Variants in ZNF267 observed in about 807,000 individuals in gnomAD.
ZNF267 encodes the protein zinc finger (C2H2).
In ZNF267, 61 loss-of-function variants were observed where a neutral mutation model predicts 71.6. That is an observed-to-expected ratio of 0.85 (90% CI 0.69 to 1.05). ZNF267 has a LOEUF of 1.05. ZNF267 is among the 50% of genes least tolerant of loss of function. The pLI is 0.00. For missense variants in ZNF267, 852 were observed against 870.0 expected (o/e 0.98, Z 0.26); for synonymous variants, 288 against 293.2 (o/e 0.98, Z 0.18).
intron 1 of ZNF267, among the ~76,000 whole-genome samples, chr16:31,880,664 A>C (rs2083883544): frequency 6.6e-6 from 1 of 152,176 alleles, no homozygotes; most frequent in Non-Finnish European, 1.5e-5. Context: ...CAACGGGCTA[A>C]TCTTGCTTCC....
chr16:31,916,378 A>G lies in ZNF267; in HGVS notation c.2129A>G (p.His710Arg), dbSNP rs1425343149. 2 of 1,614,092 alleles carry G rather than the reference A, an allele frequency of 1.2e-6. No homozygotes were observed. The highest frequency in any genetic ancestry group is 1.1e-5 in the South Asian group (1 of 91,080). ...RSYLTTHRRS[H>R]SGERPYKCEE... ...TACCTCACTACACATCGGAGAAGTC[A>G]TAGTGGAGAGAGACCCTACAAATGT... is the stretch of plus-strand genomic sequence containing the variant. Residue 710 changes from histidine to arginine, a missense_variant, in exon 4 of 4, where the codon CAT (histidine) becomes CGT (arginine). Transcript: ENST00000300870.
intron 3 of ZNF267, 69 bp downstream of exon 3, chr16:31,885,325 G>A: frequency 1.5e-6 from 2 of 1,376,350 alleles, no homozygotes; most frequent in Non-Finnish European, 1.9e-6. Context: ...ACCAGACCTT[G>A]AAGTGTGGAT....
intron 3 of ZNF267, among the ~76,000 whole-genome samples, chr16:31,903,859 G>T (rs1306868353): frequency 1.3e-5 from 2 of 152,064 alleles, no homozygotes; most frequent in Non-Finnish European, 2.9e-5. Context: ...TGCTTCTCTA[G>T]TTCTTTTAAT....
At chr16:31,888,505 A>G (rs1190885511) in intron 3 of ZNF267, among the ~76,000 whole-genome samples, 2 of 152,040 alleles carry the variant, frequency 1.3e-5, no homozygotes, top group Admixed American at 6.6e-5. Flanking sequence ...ATACTTTTGT[A>G]TGTATGTTGT....
At chr16:31,889,032 T>G (rs1369879696) in intron 3 of ZNF267, among the ~76,000 whole-genome samples, 1 of 152,034 alleles carries the variant, frequency 6.6e-6, no homozygotes, top group Admixed American at 6.5e-5. Flanking sequence ...TGTGGTGTTC[T>G]TTCTAAGAAT....
At chr16:31,875,631 G>A (rs575918741) in intron 1 of ZNF267, among the ~76,000 whole-genome samples, 5 of 152,312 alleles carry the variant, frequency 3.3e-5, no homozygotes, top group Admixed American at 2.0e-4. Context: ...TGCAGGATCT[G>A]GGAGGATGGT....
At chr16:31,895,206 G>A (rs1033879813) in intron 3 of ZNF267, among the ~76,000 whole-genome samples, 2 of 152,258 alleles carry the variant, frequency 1.3e-5, no homozygotes, top group African/African-American at 4.8e-5. Flanking sequence ...CCAGACATTG[G>A]TAGACAAAGT....
chr16:31,893,855 AG>A (rs2083977886), intron 3 of ZNF267, among the ~76,000 whole-genome samples: 1 of 152,116 alleles, frequency 6.6e-6, no homozygotes, highest in South Asian at 2.1e-4. Flanking sequence ...CATGGGTGAG[AG>A]GTGAAGAAGG....
At position 31,915,942 on chromosome 16, in the gene ZNF267, C is replaced by A; in HGVS notation, c.1693C>A (p.Arg565=). The A allele has an allele frequency of 6.2e-7, 1 of 1,612,882 alleles. No individual in the cohort carries two copies. Among genetic ancestry groups the A allele is most frequent in the Non-Finnish European group, 8.5e-7 (1 of 1,179,680 alleles). ...KAFPYSSHLI[R]HHRIHTGEKP... The stretch of plus-strand genomic sequence containing the variant: ...CTTTCCTTATAGTTCACACCTTATT[C>A]GACATCATCGAATTCATACTGGAGA... Residue 565 remains arginine, a synonymous_variant, in exon 4 of 4, where the codon CGA becomes AGA. Coordinates refer to ENST00000300870, the MANE Select transcript of ZNF267 (RefSeq NM_003414.6).
In ZNF267 at chr16:31,915,916, C is replaced by G. The variant is rs2142365560; in HGVS notation, c.1667C>G (p.Ala556Gly). ...KPYKCKECGK[A>G]FPYSSHLIRH... ...TATAAATGTAAAGAATGTGGCAAAG[C>G]CTTTCCTTATAGTTCACACCTTATT... The change falls in exon 4 of 4, where the codon GCC becomes GGC. Residue 556 changes from alanine to glycine, a missense_variant. Transcript: ENST00000300870. 6.2e-7 allele frequency: 1 copy of G among 1,613,918 alleles called. No homozygotes were observed. Among genetic ancestry groups the G allele is most frequent in the East Asian group, 2.2e-5 (1 of 44,880 alleles).
At chr16:31,905,273 C>A (rs1383184300) in intron 3 of ZNF267, among the ~76,000 whole-genome samples, 1 of 152,098 alleles carries the variant, frequency 6.6e-6, no homozygotes, top group African/African-American at 2.4e-5. Context: ...CTTGGAGTTG[C>A]TCTTCTTGAG....
chr16:31,916,589 C>CT lies in ZNF267; in HGVS notation c.*111dup, dbSNP rs1339138778. The CT allele has an allele frequency of 2.5e-5, 28 of 1,110,094 alleles. No homozygotes were observed. Among genetic ancestry groups the CT allele is most frequent in the Non-Finnish European group, 3.3e-5 (26 of 794,646 alleles). The allele number at this position is 1,110,094 out of a possible 1,614,324, so 68.8% of individuals were successfully genotyped here. ...ACAAATGTTAAGAATGTGGCATAAC[C>CT]TTTAACTATTTTCAAGCCTTACACA... On this transcript the variant is annotated 3_prime_UTR_variant, in exon 4 of 4. Coordinates refer to ENST00000300870, the MANE Select transcript of ZNF267 (RefSeq NM_003414.6).
chr16:31,909,604 T>C (rs1252336124), intron 3 of ZNF267, among the ~76,000 whole-genome samples: 2 of 152,240 alleles, frequency 1.3e-5, no homozygotes, highest in East Asian at 3.8e-4. Context: ...ATGCTATTGA[T>C]GTTTGTATGT....
At position 31,873,839 on chromosome 16, in the gene ZNF267, G is replaced by C. The variant is rs753125991; in HGVS notation, c.-128G>C. On this transcript the variant is annotated 5_prime_UTR_variant, in exon 1 of 4. Transcript: ENST00000300870. ...GCTCGGGTCTCCTCGCCACAGCTCC[G>C]AGTCTTTCGTTCTGGGAGGCCCAGG... 7.5e-7 allele frequency: 1 copy of C among 1,330,828 alleles called. No individual in the cohort carries two copies. Among genetic ancestry groups the C allele is most frequent in the African/African-American group, 1.4e-5 (1 of 69,286 alleles). 82.4% of individuals were successfully genotyped at this position (1,330,828 alleles called of 1,614,324 possible). A position where few individuals can be genotyped will look rare whatever the true frequency, so the allele number is the denominator to read the frequency against.
At chr16:31,905,866 T>C (rs1596627593) in intron 3 of ZNF267, among the ~76,000 whole-genome samples, 1 of 152,192 alleles carries the variant, frequency 6.6e-6, no homozygotes, top group Admixed American at 6.5e-5. Context: ...GGCACTCTGA[T>C]TTTTAGAGTT....
At chr16:31,881,619 A>T (rs1445045906) in intron 1 of ZNF267, among the ~76,000 whole-genome samples, 6 of 152,168 alleles carry the variant, frequency 3.9e-5, no homozygotes, top group African/African-American at 1.4e-4. Context: ...AAGTTGTCAC[A>T]AAGTCAGTAT....
In ZNF267 at chr16:31,874,228, T is replaced by TCCGCGTCGCAGCC. The variant is rs1596611229; in HGVS notation, c.3+267_3+279dup. ...CTGGCCGGAGCCCTCTCTGGGCAGC[T>TCCGCGTCGCAGCC]CCGCGTCGCAGCCCCGCGTCTCCCC... is the stretch of plus-strand genomic sequence containing the variant. On this transcript the variant is annotated intron_variant, in intron 1 of 3. Transcript: ENST00000300870. 6 of 460,086 alleles carry TCCGCGTCGCAGCC rather than the reference T, an allele frequency of 1.3e-5. No individual in the cohort carries two copies. The South Asian group carries it at 1.9e-4, about 15-fold the overall frequency. The allele number at this position is 460,086 out of a possible 1,614,324, so 28.5% of individuals were successfully genotyped here. A position where few individuals can be genotyped will look rare whatever the true frequency, so the allele number is the denominator to read the frequency against.
intron 3 of ZNF267, among the ~76,000 whole-genome samples, chr16:31,904,439 C>T (rs2084070111): frequency 1.3e-5 from 2 of 152,238 alleles, no homozygotes; most frequent in African/African-American, 4.8e-5. Context: ...TTGTAGGACA[C>T]TACGGACTTG....
At chr16:31,875,264 G>A in intron 1 of ZNF267, 3 of 1,289,244 alleles carry the variant, frequency 2.3e-6, no homozygotes, top group Non-Finnish European at 3.0e-6. Context: ...TTTAGTGACT[G>A]TCAGCCCCAG....
Sources: gnomAD v4.1 joint callset for allele counts (sites outside exome capture counted in the v4.1 genomes callset) on GRCh38, gnomAD v4.1.1 for gene constraint, MANE v1.5 for transcripts, NCBI Gene and HGNC (gene_info 2026-07-23, HGNC 2026-07-21) for gene names.